THADA: variants seen among roughly 807,000 people sequenced by gnomAD.
The protein encoded by THADA is THADA armadillo repeat containing.
Under a neutral mutation model 219.8 loss-of-function variants are expected in THADA, and 213 were observed. That is an observed-to-expected ratio of 0.97 (90% CI 0.87 to 1.09). The LOEUF is 1.09. Among genes scored for constraint, THADA ranks in the 50% least tolerant of loss-of-function variants. The probability of loss-of-function intolerance (pLI) is 0.00; values close to 1 mark genes in which losing one functional copy is unlikely to be tolerated. For missense variants in THADA, 2,956 were observed against 2,311.3 expected (o/e 1.28, Z -5.72); for synonymous variants, 1,018 against 828.9 (o/e 1.23, Z -3.92).
intron 28 of THADA, among the ~76,000 whole-genome samples, chr2:43,409,316 A>C (rs559184574): frequency 6.6e-6 from 1 of 152,210 alleles, no homozygotes. Context: ...TAAAAATAAT[A>C]AAGTACAAGG....
chr2:43,367,877 G>C (rs1317119356), intron 29 of THADA, among the ~76,000 whole-genome samples: 1 of 152,126 alleles, frequency 6.6e-6, no homozygotes, highest in South Asian at 2.1e-4. Context: ...CCAGCACTTC[G>C]GGAGGCCAAG....
intron 35 of THADA, among the ~76,000 whole-genome samples, chr2:43,280,371 T>C (rs1673197861): frequency 1.3e-5 from 2 of 152,160 alleles, no homozygotes; most frequent in African/African-American, 2.4e-5. Context: ...TGGTGGCTCA[T>C]GCCTGTAATC....
At chr2:43,339,168 A>G (rs1419609445) in intron 30 of THADA, among the ~76,000 whole-genome samples, 1 of 152,232 alleles carries the variant, frequency 6.6e-6, no homozygotes, top group East Asian at 1.9e-4. Context: ...GTACTTGACT[A>G]ATTTTCTATG....
At position 43,398,132 on chromosome 2, in the gene THADA, G is replaced by A; in HGVS notation, c.4066C>T (p.His1356Tyr). The A allele has an allele frequency of 6.2e-7, 1 of 1,613,692 alleles. No individual in the cohort carries two copies. Among genetic ancestry groups the A allele is most frequent in the Non-Finnish European group, 8.5e-7 (1 of 1,179,722 alleles). Residue 1356 changes from histidine to tyrosine, a missense_variant, in exon 29 of 38, where the codon CAC (histidine) becomes TAC (tyrosine). By Grantham distance (83) the His-to-Tyr change is moderately conservative (BLOSUM62 2). Transcript: ENST00000405975. Reference sequence around the variant, plus strand: ...TCACGGGAGTGGTAGACAGGTGAGTGACCACACCTGGGGAGAAATAAAAAC... The same window carrying A: ...TCACGGGAGTGGTAGACAGGTGAGTAACCACACCTGGGGAGAAATAAAAAC... ...PFVPFIMRCG[H>Y]SPVYHSREMA...
chr2:43,566,794 G>T lies in THADA; in HGVS notation c.2215C>A (p.Leu739Ile). Residue 739 changes from leucine (L) to isoleucine (I), a missense_variant, in exon 15 of 38, where the codon CTT becomes ATT. Coordinates refer to ENST00000405975, the MANE Select transcript of THADA (RefSeq NM_022065.5). ...KNFMSSICNSLFEALFPGSSY... is the reference protein window; with the variant it reads ...KNFMSSICNSIFEALFPGSSY... ...GATCCAGGAAACAATGCTTCAAAAAGACTGTTACAAATGGATGACATGAAA... is the reference window on the plus strand; with the variant it reads ...GATCCAGGAAACAATGCTTCAAAAATACTGTTACAAATGGATGACATGAAA... 1.4e-6 allele frequency: 2 copies of T among 1,435,186 alleles called. No individual in the cohort carries two copies. Among genetic ancestry groups the T allele is most frequent in the Non-Finnish European group, 1.8e-6 (2 of 1,091,540 alleles). The allele number at this position is 1,435,186 out of a possible 1,614,324, so 88.9% of individuals were successfully genotyped here. A position where few individuals can be genotyped will look rare whatever the true frequency, so the allele number is the denominator to read the frequency against.
At chr2:43,416,502 T>C (rs1289210001) in intron 28 of THADA, among the ~76,000 whole-genome samples, 1 of 152,210 alleles carries the variant, frequency 6.6e-6, no homozygotes, top group East Asian at 1.9e-4. Context: ...TTCTTGGTTT[T>C]GTGATTATTC....
At chr2:43,379,429 T>C (rs1452219042) in intron 29 of THADA, among the ~76,000 whole-genome samples, 1 of 152,148 alleles carries the variant, frequency 6.6e-6, no homozygotes, top group Non-Finnish European at 1.5e-5. Context: ...TCAGGAATCA[T>C]AATTAATGTA....
chr2:43,531,843 T>A (rs1693913860), intron 21 of THADA, among the ~76,000 whole-genome samples: 1 of 152,150 alleles, frequency 6.6e-6, no homozygotes, highest in African/African-American at 2.4e-5. Flanking sequence ...TCTAGTCTTT[T>A]CCTTTTTTTC....
chr2:43,485,178 C>T, intron 26 of THADA, 56 bp downstream of exon 26: 3 of 1,389,242 alleles, frequency 2.2e-6, no homozygotes, highest in Non-Finnish European at 3.0e-6. Flanking sequence ...TTGTTTTTGG[C>T]CAGGACAATA....
At position 43,491,269 on chromosome 2, in the gene THADA, C is replaced by A. The variant is rs1573914455; in HGVS notation, c.3745-5944G>T. 6.6e-5 allele frequency among the ~76,000 whole-genome samples: 10 copies of A among 152,284 alleles called. No individual in the cohort carries two copies. In the South Asian group the frequency reaches 2.1e-3, roughly 32 times the overall value. On this transcript the variant is annotated intron_variant, in intron 25 of 37. Transcript: ENST00000405975. ...AAATGCTAATATGAATCATTGATAG[C>A]AATCTTAATGTGAGTAATACATTAG...
At chr2:43,350,866 G>A (rs1274003230) in intron 29 of THADA, among the ~76,000 whole-genome samples, 1 of 152,192 alleles carries the variant, frequency 6.6e-6, no homozygotes, top group Non-Finnish European at 1.5e-5. Flanking sequence ...ACCTTACTGT[G>A]TTGTGTGTTG....
At chr2:43,358,174 C>T (rs1292630424) in intron 29 of THADA, among the ~76,000 whole-genome samples, 1 of 152,140 alleles carries the variant, frequency 6.6e-6, no homozygotes, top group African/African-American at 2.4e-5. Context: ...AATCAAGATA[C>T]AGGACTGTCC....
chr2:43,283,620 G>A (rs1314739644), intron 35 of THADA, among the ~76,000 whole-genome samples: 1 of 152,204 alleles, frequency 6.6e-6, no homozygotes, highest in East Asian at 1.9e-4. Flanking sequence ...TTTTGCCCCT[G>A]CCCTAGAGAT....
chr2:43,332,677 A>T (rs1665928437), intron 30 of THADA, among the ~76,000 whole-genome samples: 1 of 152,208 alleles, frequency 6.6e-6, no homozygotes, highest in Admixed American at 6.5e-5. Flanking sequence ...TGTGCTGAAG[A>T]CACTTAAAGC....
chr2:43,405,660 T>C (rs1357112379), intron 28 of THADA, among the ~76,000 whole-genome samples: 1 of 152,142 alleles, frequency 6.6e-6, no homozygotes, highest in Non-Finnish European at 1.5e-5. Flanking sequence ...CTTGGAAGAG[T>C]AATGAGTTCG....
intron 30 of THADA, among the ~76,000 whole-genome samples, chr2:43,341,625 G>A (rs563026447): frequency 5.9e-4 from 90 of 152,310 alleles, no homozygotes; most frequent in African/African-American, 2.1e-3. Context: ...TGAAGGAGTA[G>A]CAAGCTAAGG....
intron 36 of THADA, chr2:43,233,150 A>G (rs889638311): frequency 9.4e-6 from 4 of 424,728 alleles, no homozygotes; most frequent in Non-Finnish European, 1.7e-5. Flanking sequence ...CTGCAGGATT[A>G]GAGAGTTATC....
intron 28 of THADA, among the ~76,000 whole-genome samples, chr2:43,401,236 T>C (rs867157623): frequency 5.3e-5 from 8 of 152,346 alleles, no homozygotes; most frequent in Middle Eastern, 6.8e-3. Context: ...CACTTATTTA[T>C]TGACTGCCTA....
chr2:43,488,613 G>A (rs969837294), intron 25 of THADA, among the ~76,000 whole-genome samples: 1 of 152,014 alleles, frequency 6.6e-6, no homozygotes, highest in Admixed American at 6.6e-5. Context: ...TTCCAATTTG[G>A]AATATTATGA....
Sources: gnomAD v4.1 joint callset for allele counts (sites outside exome capture counted in the v4.1 genomes callset) on GRCh38, gnomAD v4.1.1 for gene constraint, MANE v1.5 for transcripts, NCBI Gene and HGNC (gene_info 2026-07-23, HGNC 2026-07-21) for gene names.